Variants in GALNTL6 observed in about 807,000 individuals in gnomAD.
GALNTL6 encodes polypeptide N-acetylgalactosaminyltransferase-like 6.
In GALNTL6, 46 loss-of-function variants were observed where a neutral mutation model predicts 73.7. The observed-to-expected ratio is 0.62, with a 90% CI of 0.49 to 0.80. The LOEUF is 0.80. GALNTL6 is among the 30% of genes least tolerant of loss of function. The pLI, the probability that GALNTL6 is intolerant of heterozygous loss-of-function variation, is 0.00. For missense variants in GALNTL6, 604 were observed against 755.0 expected (o/e 0.80, Z 2.34); for synonymous variants, 259 against 263.7 (o/e 0.98, Z 0.17).
rs3083419 is a variant in GALNTL6, at chr4:172,528,319, AATATATATATATATAT to A, written c.553+179661_553+179676del. Among the ~76,000 whole-genome samples, 879 of 103,672 alleles carry A rather than the reference AATATATATATATATAT, an allele frequency of 8.5e-3. 13 individuals are homozygous for A. The highest frequency in any genetic ancestry group is 0.021 in the African/African-American group (425 of 20,594). The allele number at this position is 103,672 out of a possible 152,430, so 68.0% of individuals were successfully genotyped here. ...AATACATTTGGCTTGCTAGAAATAAAATATATATATATATATATATATATATATATATATATATATA... is the reference window on the plus strand; with the variant it reads ...AATACATTTGGCTTGCTAGAAATAAAATATATATATATATATATATATATA... On this transcript the variant is annotated intron_variant, in intron 5 of 12. Transcript: ENST00000506823.
intron 5 of GALNTL6, among the ~76,000 whole-genome samples, chr4:172,628,825 T>C (rs1739271853): frequency 6.6e-6 from 1 of 152,170 alleles, no homozygotes; most frequent in African/African-American, 2.4e-5. Context: ...TTTTTATATT[T>C]TCCTAAGAAG....
chr4:172,906,670 A>G (rs1036108081), intron 8 of GALNTL6, among the ~76,000 whole-genome samples: 2 of 152,174 alleles, frequency 1.3e-5, no homozygotes, highest in African/African-American at 4.8e-5. Context: ...CTGAGCCCCC[A>G]TTGTCTTGCT....
intron 3 of GALNTL6, among the ~76,000 whole-genome samples, chr4:172,272,456 C>T (rs1028995575): frequency 2.0e-5 from 3 of 152,134 alleles, no homozygotes; most frequent in African/African-American, 7.2e-5. Flanking sequence ...AGGTTACAAA[C>T]CTATACAGAA....
At chr4:172,120,811 G>A (rs1421752156) in intron 2 of GALNTL6, among the ~76,000 whole-genome samples, 1 of 151,930 alleles carries the variant, frequency 6.6e-6, no homozygotes, top group Non-Finnish European at 1.5e-5. Flanking sequence ...AGGAGGCTTT[G>A]TCGAAACCTG....
chr4:172,656,612 A>G (rs997499152), intron 5 of GALNTL6, among the ~76,000 whole-genome samples: 6 of 152,188 alleles, frequency 3.9e-5, no homozygotes, highest in African/African-American at 1.2e-4. Context: ...TCTCAAAGGA[A>G]CACACATATT....
intron 5 of GALNTL6, among the ~76,000 whole-genome samples, chr4:172,617,511 C>G (rs1738786510): frequency 6.6e-6 from 1 of 151,884 alleles, no homozygotes; most frequent in South Asian, 2.1e-4. Flanking sequence ...GATTCTCGCT[C>G]TGTCGCCCAG....
intron 5 of GALNTL6, among the ~76,000 whole-genome samples, chr4:172,767,913 C>T (rs1579455709): frequency 2.0e-5 from 3 of 152,002 alleles, no homozygotes; most frequent in South Asian, 4.2e-4. Context: ...CATGATCCGC[C>T]GGTGTCAGCC....
At chr4:172,406,374 G>A (rs1338567386) in intron 5 of GALNTL6, among the ~76,000 whole-genome samples, 2 of 151,680 alleles carry the variant, frequency 1.3e-5, no homozygotes, top group Non-Finnish European at 2.9e-5. Flanking sequence ...TATTTTAGTG[G>A]ATAAATTATA....
intron 2 of GALNTL6, among the ~76,000 whole-genome samples, chr4:171,925,501 C>G (rs1404380405): frequency 6.6e-6 from 1 of 152,120 alleles, no homozygotes; most frequent in Admixed American, 6.5e-5. Flanking sequence ...GGGGAAAAAA[C>G]TAGGTGTCTA....
intron 2 of GALNTL6, among the ~76,000 whole-genome samples, chr4:172,213,573 A>G (rs1736399715): frequency 6.6e-6 from 1 of 152,126 alleles, no homozygotes; most frequent in South Asian, 2.1e-4. Context: ...CTTTGATGAG[A>G]TGTCTGTTCA....
intron 2 of GALNTL6, among the ~76,000 whole-genome samples, chr4:171,850,938 T>C (rs1735507587): frequency 6.6e-6 from 1 of 152,142 alleles, no homozygotes; most frequent in South Asian, 2.1e-4. Flanking sequence ...CCCCAATAAT[T>C]AGAGGATATT....
chr4:172,327,725 T>C lies in GALNTL6; in HGVS notation c.386+15973T>C, dbSNP rs980106892. Among the ~76,000 whole-genome samples, 7 of 152,276 alleles carry C rather than the reference T, an allele frequency of 4.6e-5. No homozygotes were observed. The South Asian group carries it at 6.2e-4, about 14-fold the overall frequency. Reference sequence around the variant, plus strand: ...TTCGCATTGCCACCCATGTTTTTTTTCCCCATTTTATTTTCTTAGGAGATT... The same window carrying C: ...TTCGCATTGCCACCCATGTTTTTTTCCCCCATTTTATTTTCTTAGGAGATT... On this transcript the variant is annotated intron_variant, in intron 4 of 12. Transcript: ENST00000506823.
intron 5 of GALNTL6, among the ~76,000 whole-genome samples, chr4:172,638,794 C>A (rs1201589856): frequency 6.6e-6 from 1 of 151,928 alleles, no homozygotes; most frequent in Non-Finnish European, 1.5e-5. Flanking sequence ...AATCTAGGAT[C>A]CCATAATTAA....
At chr4:172,021,343 T>A (rs1741394476) in intron 2 of GALNTL6, among the ~76,000 whole-genome samples, 1 of 151,978 alleles carries the variant, frequency 6.6e-6, no homozygotes, top group Non-Finnish European at 1.5e-5. Context: ...AATGAAATTA[T>A]CCTTGTTTGC....
intron 5 of GALNTL6, among the ~76,000 whole-genome samples, chr4:172,684,529 A>G (rs1560878339): frequency 6.6e-6 from 1 of 152,236 alleles, no homozygotes; most frequent in Non-Finnish European, 1.5e-5. Context: ...ATTAAATGCT[A>G]AGTAAGTAAA....
chr4:171,815,840 G>A (rs1734511209), intron 2 of GALNTL6, among the ~76,000 whole-genome samples: 1 of 152,112 alleles, frequency 6.6e-6, no homozygotes, highest in Non-Finnish European at 1.5e-5. Context: ...ATATAAAGAG[G>A]TAATCTGCTT....
At chr4:172,408,266 G>T (rs1039993204) in intron 5 of GALNTL6, among the ~76,000 whole-genome samples, 16 of 151,908 alleles carry the variant, frequency 1.1e-4, no homozygotes, top group African/African-American at 3.6e-4. Context: ...TCTTCTCTAT[G>T]AATTTTCTAT....
chr4:172,306,317 AGGT>A (rs1283516377), intron 3 of GALNTL6, among the ~76,000 whole-genome samples: 1 of 152,124 alleles, frequency 6.6e-6, no homozygotes, highest in Non-Finnish European at 1.5e-5. Context: ...TGAACTTGGG[AGGT>A]GCAGCTTGCA....
chr4:172,958,519 G>T (rs968936910), intron 10 of GALNTL6, among the ~76,000 whole-genome samples: 16 of 152,186 alleles, frequency 1.1e-4, no homozygotes, highest in African/African-American at 3.9e-4. Flanking sequence ...GGTTTTGTTA[G>T]GATGGCAAAA....
Sources: gnomAD v4.1 joint callset for allele counts (sites outside exome capture counted in the v4.1 genomes callset) on GRCh38, gnomAD v4.1.1 for gene constraint, MANE v1.5 for transcripts, NCBI Gene and HGNC (gene_info 2026-07-23, HGNC 2026-07-21) for gene names.